The following HPSE variants were observed in gnomAD, a reference collection of about 807,000 sequenced individuals.
HPSE encodes the protein heparanase.
HPSE carries 48 observed loss-of-function variants against 65.1 expected under a neutral mutation model. That is an observed-to-expected ratio of 0.74 (90% CI 0.58 to 0.94). The LOEUF is 0.94. HPSE is among the 40% of genes least tolerant of loss of function. HPSE has a pLI of 0.00. For missense variants in HPSE, 644 were observed against 637.5 expected, an observed-to-expected ratio of 1.01 and a Z score of -0.11; for synonymous variants, 243 against 260.0, an observed-to-expected ratio of 0.93 and a Z score of 0.63.
intron 1 of HPSE, among the ~76,000 whole-genome samples, chr4:83,332,928 C>A (rs558034529): frequency 4.0e-5 from 6 of 151,798 alleles, no homozygotes; most frequent in African/African-American, 1.2e-4. Flanking sequence ...CCGCCCCCCC[C>A]CACCCCACAC....
chr4:83,310,106 G>A (rs768557749), intron 5 of HPSE, 28 bp from the exon 6 acceptor site: 6 of 1,496,568 alleles, frequency 4.0e-6, no homozygotes, highest in Non-Finnish European at 5.6e-6. Context: ...TTATCACTCA[G>A]TCATATAATA....
chr4:83,302,422 C>CA (rs1735988716), intron 9 of HPSE, among the ~76,000 whole-genome samples, 154 bp from the exon 10 acceptor site: 1 of 149,928 alleles, frequency 6.7e-6, no homozygotes. Flanking sequence ...TTTTTTTTTC[C>CA]CCTCACATGT....
At chr4:83,297,210 T>G in intron 11 of HPSE, among the ~76,000 whole-genome samples, 1 of 152,308 alleles carries the variant, frequency 6.6e-6, no homozygotes, top group Middle Eastern at 3.4e-3. Flanking sequence ...ATAGCCTAGA[T>G]ACATAGTAGG....
At chr4:83,301,425 A>G (rs899492836) in intron 10 of HPSE, among the ~76,000 whole-genome samples, 16 of 152,352 alleles carry the variant, frequency 1.1e-4, no homozygotes, top group East Asian at 5.8e-4. Flanking sequence ...ATCCATTTTC[A>G]GACATAGGAA....
chr4:83,325,442 A>G (rs1031660031), intron 1 of HPSE, among the ~76,000 whole-genome samples: 1 of 152,196 alleles, frequency 6.6e-6, no homozygotes, highest in Non-Finnish European at 1.5e-5. Context: ...CTGGGATTAC[A>G]GGCATGGGCC....
At chr4:83,309,857 CT>C (rs774491422) in intron 6 of HPSE, among the ~76,000 whole-genome samples, 173 bp downstream of exon 6, 55 of 152,198 alleles carry the variant, frequency 3.6e-4, no homozygotes, top group Admixed American at 7.2e-4. Context: ...TTTAAAATAA[CT>C]TTAAATTTTT....
At chr4:83,310,927 A>T in intron 4 of HPSE, 37 bp from the exon 5 acceptor site, 1 of 1,525,296 alleles carries the variant, frequency 6.6e-7, no homozygotes, top group East Asian at 2.3e-5. Context: ...ATATCGAGAA[A>T]TGTTGTATTT....
At chr4:83,328,429 T>A (rs964960806) in intron 1 of HPSE, among the ~76,000 whole-genome samples, 1 of 152,182 alleles carries the variant, frequency 6.6e-6, no homozygotes, top group Non-Finnish European at 1.5e-5. Flanking sequence ...CACATTCCAG[T>A]ATGACCTCAT....
At chr4:83,328,120 G>A (rs919404228) in intron 1 of HPSE, among the ~76,000 whole-genome samples, 6 of 152,342 alleles carry the variant, frequency 3.9e-5, no homozygotes, top group African/African-American at 1.4e-4. Context: ...CCAAGAGACT[G>A]TATTAGTTTG....
chr4:83,316,511 C>G (rs922922216), intron 3 of HPSE, among the ~76,000 whole-genome samples: 7 of 152,036 alleles, frequency 4.6e-5, no homozygotes, highest in Non-Finnish European at 1.5e-5. Flanking sequence ...CAAGATGACA[C>G]ATTGAAAAAA....
At position 83,301,089 on chromosome 4, in the gene HPSE, C is replaced by T. The variant is rs1198329953; in HGVS notation, c.1343G>A (p.Gly448Glu). Residue 448 changes from glycine to glutamate, a missense_variant, in exon 11 of 12, where the codon GGA (glycine) becomes GAA (glutamate). Coordinates refer to ENST00000311412, the MANE Select transcript of HPSE (RefSeq NM_001098540.3). ...TNTDNPRYKE[G>E]DLTLYAINLH... ...GTTTATGGCATACAGAGTTAAATCT[C>T]CTTCTTTATACCTTGGACTAAAAGC... The T allele has an allele frequency of 1.9e-6, 3 of 1,596,480 alleles. No homozygotes were observed. The African/African-American group carries it at 4.1e-5, about 22-fold the overall frequency.
intron 1 of HPSE, among the ~76,000 whole-genome samples, chr4:83,328,937 A>G (rs1737256864): frequency 6.6e-6 from 1 of 152,208 alleles, no homozygotes; most frequent in East Asian, 1.9e-4. Context: ...GGACTTAGGC[A>G]TGACATGTCT....
rs747019049 is a variant in HPSE, at chr4:83,334,758, G to A, written c.25C>T (p.Leu9=). The A allele has an allele frequency of 1.3e-6, 2 of 1,551,734 alleles. No homozygotes were observed. Among genetic ancestry groups the A allele is most frequent in the Non-Finnish European group, 1.7e-6 (2 of 1,147,704 alleles). ...AGCAGCAGCATCAGCGGCGGCGGCA[G>A]CGCAGGCTTCGAGCGCAGCAGCATC... The part of the protein sequence containing the change: MLLRSKPA[L]PPPLMLLLLG... The change falls in exon 1 of 12, where the codon CTG becomes TTG. Residue 9 remains leucine, a synonymous_variant. Transcript: ENST00000311412.
intron 11 of HPSE, 77 bp downstream of exon 11, chr4:83,300,882 TC>T: frequency 1.2e-6 from 1 of 847,624 alleles, no homozygotes; most frequent in Admixed American, 2.9e-5. Flanking sequence ...TGTCTTTTGC[TC>T]CCTGTCCAAA....
At position 83,306,364 on chromosome 4, in the gene HPSE, C is replaced by A. The variant is rs775937315; in HGVS notation, c.1092-47G>T. ...CTTTCTTGAGGTTTGGAAACAAAAT[C>A]GCTCAATTCTAATTGCACACCATCT... On this transcript the variant is annotated intron_variant, in intron 8 of 11. Transcript: ENST00000311412. 4 of 946,898 alleles carry A rather than the reference C, an allele frequency of 4.2e-6. No individual in the cohort carries two copies. In the South Asian group the frequency reaches 5.5e-5, roughly 13 times the overall value. The allele number at this position is 946,898 out of a possible 1,614,324, so 58.7% of individuals were successfully genotyped here. A position where few individuals can be genotyped will look rare whatever the true frequency, so the allele number is the denominator to read the frequency against.
At chr4:83,333,085 C>T (rs1316320927) in intron 1 of HPSE, among the ~76,000 whole-genome samples, 2 of 152,126 alleles carry the variant, frequency 1.3e-5, no homozygotes, top group Non-Finnish European at 2.9e-5. Context: ...GATTCTTCCC[C>T]ACCAGAAAAT....
At chr4:83,312,814 G>A (rs1229542883) in intron 4 of HPSE, among the ~76,000 whole-genome samples, 4 of 132,168 alleles carry the variant, frequency 3.0e-5, no homozygotes, top group Non-Finnish European at 4.7e-5. Context: ...TGGCTAACAC[G>A]GTGAAACCCC....
intron 3 of HPSE, among the ~76,000 whole-genome samples, chr4:83,314,067 A>G (rs1396845715): frequency 1.3e-5 from 2 of 152,136 alleles, no homozygotes; most frequent in Non-Finnish European, 2.9e-5. Flanking sequence ...AGCCTGGGCA[A>G]CATGGCAAAA....
At chr4:83,302,722 C>T (rs1346455498) in intron 9 of HPSE, among the ~76,000 whole-genome samples, 4 of 152,074 alleles carry the variant, frequency 2.6e-5, no homozygotes, top group Admixed American at 6.6e-5. Context: ...AAGTGTAATC[C>T]CAGGATTTTG....
Sources: allele counts gnomAD v4.1 joint callset (sites outside exome capture counted in the v4.1 genomes callset), GRCh38; gene constraint gnomAD v4.1.1; transcripts MANE v1.5; gene names NCBI Gene and HGNC (gene_info 2026-07-23, HGNC 2026-07-21).